OXA1L: variants seen among roughly 807,000 people sequenced by gnomAD.
OXA1L encodes the protein OXA1L mitochondrial inner membrane insertase, also known as mitochondrial inner membrane protein OXA1L.
In OXA1L, 42 loss-of-function variants were observed where a neutral mutation model predicts 52.2. The ratio of observed to expected loss-of-function variants is 0.80; its 90% CI spans 0.63 to 1.04. OXA1L has a LOEUF of 1.04. Ranked by LOEUF, OXA1L falls within the 50% of genes least tolerant of loss-of-function variation. The probability of loss-of-function intolerance (pLI) is 0.00; values close to 1 mark genes in which losing one functional copy is unlikely to be tolerated. For missense variants in OXA1L, 572 were observed against 555.0 expected (o/e 1.03, Z -0.31); for synonymous variants, 239 against 201.9 (o/e 1.18, Z -1.56).
Position 22,771,565 on chromosome 14 carries a change from T to G in OXA1L, c.*7T>G. On this transcript the variant is annotated 3_prime_UTR_variant, in exon 10 of 10. Coordinates refer to ENST00000612549, the MANE Select transcript of OXA1L (RefSeq NM_005015.5). ...GCACGACACACTTGGCTGACTTATG[T>G]TCTGTGCGCATTCTGGCAGGAATTC... 1 of 1,614,132 alleles carries G rather than the reference T, an allele frequency of 6.2e-7. No homozygotes were observed. Among genetic ancestry groups the G allele is most frequent in the Non-Finnish European group, 8.5e-7 (1 of 1,179,982 alleles).
Position 22,770,913 on chromosome 14 carries a change from T to C in OXA1L, c.939+4T>C. 6.2e-7 allele frequency: 1 copy of C among 1,613,270 alleles called. No homozygotes were observed. The highest frequency in any genetic ancestry group is 8.5e-7 in the Non-Finnish European group (1 of 1,179,178). On this transcript the variant is annotated splice_donor_region_variant and intron_variant, in intron 7 of 9. Transcript: ENST00000612549. ...CATAACCATGCATTTCCCCACGGTA[T>C]GTAATGCCTTATGGGCTGGCTCCAA...
intron 2 of OXA1L, chr14:22,767,659 AATAT>A: frequency 2.0e-6 from 1 of 506,492 alleles, no homozygotes; most frequent in African/African-American, 1.9e-5. Context: ...GTTTCATGTT[AATAT>A]ATGGCAAAAA....
At chr14:22,768,357 C>T in intron 3 of OXA1L, 186 bp downstream of exon 3, 1 of 593,020 alleles carries the variant, frequency 1.7e-6, no homozygotes, top group Non-Finnish European at 3.0e-6. Flanking sequence ...ATTATAAAAC[C>T]ACCAGATCAT....
Position 22,772,078 on chromosome 14 carries a change from A to C in OXA1L, c.*520A>C, listed in dbSNP as rs2038473747. ...GCACCACCGCACTCCAGCCTGGGCA[A>C]TAGAGGGAGACTGTCTCAAAAAAAA... On this transcript the variant is annotated 3_prime_UTR_variant, in exon 10 of 10. Coordinates refer to ENST00000612549, the MANE Select transcript of OXA1L (RefSeq NM_005015.5). 6.6e-6 allele frequency: 1 copy of C among 151,148 alleles called. No homozygotes were observed. Among genetic ancestry groups the C allele is most frequent in the African/African-American group, 2.4e-5 (1 of 41,246 alleles). The allele number at this position is 151,148 out of a possible 1,614,324, so 9.4% of individuals were successfully genotyped here.
intron 1 of OXA1L, 171 bp from the exon 2 acceptor site, chr14:22,767,076 CA>C (rs1247359621): frequency 6.5e-7 from 1 of 1,536,490 alleles, no homozygotes; most frequent in Non-Finnish European, 8.7e-7. Context: ...CTGCAGGCAC[CA>C]CCCGCTGCAT....
Position 22,770,275 on chromosome 14 carries a change from T to G in OXA1L, c.666T>G (p.Thr222=). 6.2e-7 allele frequency: 1 copy of G among 1,600,054 alleles called. No individual in the cohort carries two copies. The highest frequency in any genetic ancestry group is 8.6e-7 in the Non-Finnish European group (1 of 1,167,182). Residue 222 remains threonine (T), a synonymous_variant, in exon 5 of 10, where the codon ACT becomes ACG. Coordinates refer to ENST00000612549, the MANE Select transcript of OXA1L (RefSeq NM_005015.5). ...KLYKPLILPV[T]QAPIFISFFI... The stretch of plus-strand genomic sequence containing the variant: ...ATAAACCTCTCATTCTCCCTGTGAC[T>G]CAGGTGAGCAAAAACATTTCCTTCC...
Position 22,770,893 on chromosome 14 carries a change from C to T in OXA1L, c.923C>T (p.Thr308Ile). Residue 308 changes from threonine (T) to isoleucine (I), a missense_variant, in exon 7 of 10, where the codon ACC becomes ATC. Thr to Ile is a moderately conservative substitution (Grantham distance 89). This residue lies in a region of OXA1L where 244 missense variants were observed against 240.2 expected (regional missense o/e 1.02). Transcript: ENST00000612549. ...RMMPLITLPI[T>I]MHFPTAVFMY... ...ATGCCCCTGATAACCTTGCCCATAA[C>T]CATGCATTTCCCCACGGTATGTAAT... The T allele has an allele frequency of 6.2e-7, 1 of 1,614,032 alleles. No individual in the cohort carries two copies. The highest frequency in any genetic ancestry group is 8.5e-7 in the Non-Finnish European group (1 of 1,179,870).
At position 22,770,788 on chromosome 14, in the gene OXA1L, C is replaced by G. The variant is rs747267992; in HGVS notation, c.835-17C>G. 1.9e-6 allele frequency: 3 copies of G among 1,609,446 alleles called. No individual in the cohort carries two copies. In the African/African-American group the frequency reaches 4.0e-5, roughly 22 times the overall value. ...CTGACAGCTTTCCCGACTTTTCCAC[C>G]CCACTTCTTTTGGCAGCTAGGTGCT... On this transcript the variant is annotated splice_polypyrimidine_tract_variant and intron_variant, in intron 6 of 9. Coordinates refer to ENST00000612549, the MANE Select transcript of OXA1L (RefSeq NM_005015.5).
Position 22,767,356 on chromosome 14 carries a change from G to GCTTC in OXA1L, c.174_177dup (p.Gly60PhefsTer35). The GCTTC allele has an allele frequency of 6.2e-7, 1 of 1,613,852 alleles. No individual in the cohort carries two copies. The highest frequency in any genetic ancestry group is 8.5e-7 in the Non-Finnish European group (1 of 1,179,922). Reference sequence around the variant, plus strand: ...TCGCCCACACTACCTCTTCCTTGCGGCTTCCGGCCCCCGCAGCCTCAGTAC... The same window carrying GCTTC: ...TCGCCCACACTACCTCTTCCTTGCGGCTTCCTTCCGGCCCCCGCAGCCTCAGTAC... On this transcript the variant is annotated frameshift_variant, in exon 2 of 10. Transcript: ENST00000612549. LOFTEE classifies it high-confidence loss of function.
rs1714633717 is a variant in OXA1L, at chr14:22,769,806, G to A, written c.455G>A (p.Arg152His). Residue 152 changes from arginine to histidine, a missense_variant, in exon 4 of 10, where the codon CGC (arginine) becomes CAC (histidine). Transcript: ENST00000612549. Reference protein sequence around the residue: ...GAIAACTVFARCLIFPLIVTG... With the variant: ...GAIAACTVFAHCLIFPLIVTG... ...TATTTTCCAGGTACAGTCTTTGCCC[G>A]CTGCCTGATTTTTCCTCTCATCGTG... 1.9e-6 allele frequency: 3 copies of A among 1,613,980 alleles called. No individual in the cohort carries two copies. Among genetic ancestry groups the A allele is most frequent in the South Asian group, 1.1e-5 (1 of 91,088 alleles).
intron 3 of OXA1L, chr14:22,768,740 T>G (rs2038432130): frequency 6.4e-6 from 1 of 155,500 alleles, no homozygotes; most frequent in Non-Finnish European, 1.4e-5. Flanking sequence ...ATGGCTGTTA[T>G]TTATTTTGTT....
In OXA1L at chr14:22,768,029, T is replaced by C. The variant is rs768919444; in HGVS notation, c.297T>C (p.Thr99=). The change falls in exon 3 of 10, where the codon ACT becomes ACC. Residue 99 remains threonine, a synonymous_variant. Transcript: ENST00000612549. ...TAVPEVASGE[T]ADVVQTAAEQ... ...TACCTGAGGTGGCTTCTGGAGAGAC[T>C]GCAGATGTAGTCCAAACTGCTGCAG... is the stretch of plus-strand genomic sequence containing the variant. 8.6e-5 allele frequency: 139 copies of C among 1,614,110 alleles called. No individual in the cohort carries two copies. The highest frequency in any genetic ancestry group is 1.2e-4 in the Non-Finnish European group (139 of 1,180,026).
At chr14:22,769,718 G>A in intron 3 of OXA1L, 73 bp from the exon 4 acceptor site, 1 of 1,493,562 alleles carries the variant, frequency 6.7e-7, no homozygotes, top group Non-Finnish European at 9.3e-7. Context: ...TTTCAGTAAG[G>A]ACCTAAAAGC....
intron 3 of OXA1L, 110 bp downstream of exon 3, chr14:22,768,281 T>C: frequency 1.3e-6 from 1 of 778,626 alleles, no homozygotes; most frequent in Non-Finnish European, 2.2e-6. Flanking sequence ...GAAGAGCAGA[T>C]GATTTCAAAT....
intron 2 of OXA1L, 180 bp from the exon 3 acceptor site, chr14:22,767,778 C>CT: frequency 1.8e-6 from 1 of 547,482 alleles, no homozygotes; most frequent in Non-Finnish European, 3.2e-6. Context: ...AGTAACTTCT[C>CT]TTCCTAACTA....
chr14:22,767,110 C>T, intron 1 of OXA1L, 138 bp from the exon 2 acceptor site: 1 of 1,533,302 alleles, frequency 6.5e-7, no homozygotes, highest in South Asian at 1.2e-5. Flanking sequence ...GCGGTCTGCG[C>T]GCGGTGATAG....
rs1314812421 is a variant in OXA1L, at chr14:22,767,273, A to C, written c.89A>C (p.Gln30Pro). The change falls in exon 2 of 10, where the codon CAA (glutamine) becomes CCA (proline). Residue 30 changes from glutamine to proline, a missense_variant. Physicochemically the swap from Gln to Pro is moderately conservative, Grantham distance 76. Coordinates refer to ENST00000612549, the MANE Select transcript of OXA1L (RefSeq NM_005015.5). ...RRVHSVAGPSQWLGKPLTTRL... is the reference protein window; with the variant it reads ...RRVHSVAGPSPWLGKPLTTRL... ...GTCCACAGCGTCGCAGGGCCCTCGC[A>C]ATGGCTTGGGAAACCGCTGACCACA... The C allele has an allele frequency of 6.2e-7, 1 of 1,611,788 alleles. No individual in the cohort carries two copies. Among genetic ancestry groups the C allele is most frequent in the East Asian group, 2.2e-5 (1 of 44,874 alleles).
chr14:22,766,804 G>A, intron 1 of OXA1L, 40 bp downstream of exon 1: 1 of 1,611,926 alleles, frequency 6.2e-7, no homozygotes, highest in Non-Finnish European at 8.5e-7. Flanking sequence ...ATGCTGCCCT[G>A]ACCCAGTGAA....
rs2038448852 is a variant in OXA1L at position 22,770,484 on chromosome 14, C to G, written c.693C>G (p.Phe231Leu). The stretch of plus-strand genomic sequence containing the variant: ...AGGCCCCAATCTTCATCTCCTTCTT[C>G]ATTGCTTTGAGAGAGATGGCCAACC... ...VTQAPIFISFFIALREMANLP... is the reference protein window; with the variant it reads ...VTQAPIFISFLIALREMANLP... The change falls in exon 6 of 10, where the codon TTC becomes TTG. Residue 231 changes from phenylalanine to leucine, a missense_variant. By Grantham distance (22) the Phe-to-Leu change is conservative. Coordinates refer to ENST00000612549, the MANE Select transcript of OXA1L (RefSeq NM_005015.5). 1 of 1,613,934 alleles carries G rather than the reference C, an allele frequency of 6.2e-7. No homozygotes were observed. The highest frequency in any genetic ancestry group is 1.3e-5 in the African/African-American group (1 of 74,930).
Sources: gnomAD v4.1 joint callset for allele counts on GRCh38, gnomAD v4.1.1 for gene constraint, gnomAD v4.1.1 regional missense constraint, MANE v1.5 for transcripts, NCBI Gene and HGNC (gene_info 2026-07-23, HGNC 2026-07-21) for gene names.